RNGTT: variants seen among roughly 807,000 people sequenced by gnomAD.
RNGTT encodes the protein RNA guanylyltransferase and 5'-phosphatase.
A neutral mutation model predicts 79.3 loss-of-function variants in RNGTT; 33 were observed. The observed-to-expected ratio is 0.42, with a 90% CI of 0.32 to 0.56. The LOEUF is 0.56. Among genes scored for constraint, RNGTT ranks in the 20% least tolerant of loss-of-function variants. The pLI is 0.17. For missense variants in RNGTT, 497 were observed against 739.1 expected (o/e 0.67, Z 3.80); for synonymous variants, 222 against 235.9 (o/e 0.94, Z 0.54).
At chr6:88,809,940 C>G (rs917940125) in intron 11 of RNGTT, among the ~76,000 whole-genome samples, 1 of 151,774 alleles carries the variant, frequency 6.6e-6, no homozygotes, top group African/African-American at 2.4e-5. Flanking sequence ...CGCAGCTACT[C>G]AGGAGGCTGA....
intron 14 of RNGTT, among the ~76,000 whole-genome samples, chr6:88,639,676 C>T (rs1237455369): frequency 1.3e-5 from 2 of 152,056 alleles, no homozygotes; most frequent in South Asian, 2.1e-4. Flanking sequence ...TTCTGAATCC[C>T]ACCACAATAC....
intron 13 of RNGTT, among the ~76,000 whole-genome samples, chr6:88,752,577 T>C (rs1777875707): frequency 1.3e-5 from 2 of 152,178 alleles, no homozygotes; most frequent in Non-Finnish European, 2.9e-5. Flanking sequence ...ATTTTTACTA[T>C]AAACAATTGT....
intron 13 of RNGTT, among the ~76,000 whole-genome samples, chr6:88,716,979 T>C (rs1236496143): frequency 1.3e-5 from 2 of 152,040 alleles, no homozygotes; most frequent in Admixed American, 1.3e-4. Flanking sequence ...AAAAAAAATG[T>C]AAACTGAGCA....
chr6:88,795,010 G>C (rs1779548678), intron 12 of RNGTT, among the ~76,000 whole-genome samples: 1 of 152,160 alleles, frequency 6.6e-6, no homozygotes, highest in Admixed American at 6.5e-5. Context: ...GAAGGTACAG[G>C]TTGATGATCA....
rs1012367778 is a variant in RNGTT, at chr6:88,628,941, C to T, written c.1507-14546G>A. 2.0e-5 allele frequency among the ~76,000 whole-genome samples: 3 copies of T among 151,968 alleles called. No homozygotes were observed. In the East Asian group the frequency reaches 5.8e-4, roughly 29 times the overall value. On this transcript the variant is annotated intron_variant, in intron 14 of 15. Coordinates refer to ENST00000369485, the MANE Select transcript of RNGTT (RefSeq NM_003800.5). ...ACTAAAGGAGAGACATGTGAACTCTCATAGGTCATGCTGAGTTTAATGTAA... is the reference window on the plus strand; with the variant it reads ...ACTAAAGGAGAGACATGTGAACTCTTATAGGTCATGCTGAGTTTAATGTAA...
At chr6:88,933,221 A>G (rs536904246) in intron 2 of RNGTT, among the ~76,000 whole-genome samples, 2 of 152,332 alleles carry the variant, frequency 1.3e-5, no homozygotes, top group Non-Finnish European at 2.9e-5. Context: ...GGGTATCTGG[A>G]GTATCCATCA....
At chr6:88,896,591 G>C (rs1407022022) in intron 6 of RNGTT, among the ~76,000 whole-genome samples, 1 of 152,186 alleles carries the variant, frequency 6.6e-6, no homozygotes, top group Non-Finnish European at 1.5e-5. Context: ...CAGAAACTAG[G>C]TTCTAAGTAA....
chr6:88,774,467 C>G (rs9344861), intron 12 of RNGTT, among the ~76,000 whole-genome samples: 21,075 of 152,146 alleles, frequency 0.14, 1,593 homozygotes, highest in Middle Eastern at 0.24. Flanking sequence ...AGGTCCATTT[C>G]TAGGTACACA....
chr6:88,926,754 A>C (rs1226080820), intron 4 of RNGTT, among the ~76,000 whole-genome samples: 1 of 152,220 alleles, frequency 6.6e-6, no homozygotes, highest in Non-Finnish European at 1.5e-5. Context: ...TCTCAGTTTA[A>C]GGGCATAACA....
chr6:88,782,953 A>T (rs1779112669), intron 12 of RNGTT, among the ~76,000 whole-genome samples: 1 of 152,200 alleles, frequency 6.6e-6, no homozygotes, highest in Non-Finnish European at 1.5e-5. Flanking sequence ...GAGAATGTAA[A>T]TTGGTACAGC....
At chr6:88,628,324 G>A (rs1008726524) in intron 14 of RNGTT, among the ~76,000 whole-genome samples, 9 of 152,004 alleles carry the variant, frequency 5.9e-5, no homozygotes, top group Non-Finnish European at 1.0e-4. Context: ...ACTTCTCTCT[G>A]ATAAACATTT....
chr6:88,680,159 A>T (rs914221580), intron 13 of RNGTT, among the ~76,000 whole-genome samples: 15 of 152,334 alleles, frequency 9.8e-5, no homozygotes, highest in Non-Finnish European at 2.2e-4. Flanking sequence ...ATTAGAACAC[A>T]AGATTATCGT....
At chr6:88,740,041 G>T (rs1308714378) in intron 13 of RNGTT, among the ~76,000 whole-genome samples, 1 of 151,776 alleles carries the variant, frequency 6.6e-6, no homozygotes, top group Admixed American at 6.6e-5. Context: ...TTCTTCCAGA[G>T]AAACAAATTT....
chr6:88,954,402 T>C (rs962483392), intron 1 of RNGTT, among the ~76,000 whole-genome samples: 1 of 152,114 alleles, frequency 6.6e-6, no homozygotes, highest in Non-Finnish European at 1.5e-5. Context: ...GGACATTATA[T>C]AATGAAAAAA....
intron 13 of RNGTT, among the ~76,000 whole-genome samples, chr6:88,731,103 C>A (rs551302671): frequency 6.6e-6 from 1 of 152,048 alleles, no homozygotes; most frequent in East Asian, 1.9e-4. Context: ...GAAAGAGCTA[C>A]AACACAGAGA....
chr6:88,702,241 A>G (rs995863716), intron 13 of RNGTT, among the ~76,000 whole-genome samples: 1 of 152,190 alleles, frequency 6.6e-6, no homozygotes, highest in Non-Finnish European at 1.5e-5. Context: ...ACCAAAAAAG[A>G]ACCTGAATAG....
At chr6:88,745,033 T>C (rs1279651394) in intron 13 of RNGTT, among the ~76,000 whole-genome samples, 1 of 152,184 alleles carries the variant, frequency 6.6e-6, no homozygotes, top group African/African-American at 2.4e-5. Flanking sequence ...TAAGGAACAC[T>C]GCAGTGATAA....
intron 10 of RNGTT, among the ~76,000 whole-genome samples, chr6:88,844,949 TAAAC>T (rs925990857): frequency 6.6e-5 from 10 of 151,948 alleles, no homozygotes; most frequent in African/African-American, 2.4e-4. Flanking sequence ...AAAAATAAAA[TAAAC>T]AATTTCACAT....
chr6:88,742,493 A>G (rs761870645), intron 13 of RNGTT, among the ~76,000 whole-genome samples: 2 of 152,244 alleles, frequency 1.3e-5, no homozygotes, highest in Non-Finnish European at 2.9e-5. Flanking sequence ...ATTGCCATCA[A>G]TAATCTGTTC....
Sources: gnomAD v4.1 joint callset for allele counts (sites outside exome capture counted in the v4.1 genomes callset) on GRCh38, gnomAD v4.1.1 for gene constraint, MANE v1.5 for transcripts, NCBI Gene and HGNC (gene_info 2026-07-23, HGNC 2026-07-21) for gene names.